FAM53A: variants seen among roughly 807,000 people sequenced by gnomAD.
FAM53A encodes family with sequence similarity 53 member A, also known as protein FAM53A.
Under a neutral mutation model 26.6 loss-of-function variants are expected in FAM53A, and 28 were observed. The ratio of observed to expected loss-of-function variants is 1.05; its 90% confidence interval spans 0.78 to 1.45. FAM53A has a LOEUF of 1.45. Among genes scored for constraint, FAM53A ranks in the 40% most tolerant of loss-of-function variants. The probability of loss-of-function intolerance (pLI) is 0.00; values close to 1 mark genes in which losing one functional copy is unlikely to be tolerated. For synonymous variants in FAM53A, 290 were observed against 253.1 expected, an observed-to-expected ratio of 1.15 and a Z score of -1.38; for missense variants, 650 against 575.8, an observed-to-expected ratio of 1.13 and a Z score of -1.32.
intron 1 of FAM53A, among the ~76,000 whole-genome samples, chr4:1,627,632 C>T (rs979783232): frequency 6.6e-6 from 1 of 152,214 alleles, no homozygotes; most frequent in African/African-American, 2.4e-5. Flanking sequence ...TTCTCCAGGG[C>T]AGAGACAGTG....
chr4:1,670,620 G>A (rs1714572273), intron 1 of FAM53A, among the ~76,000 whole-genome samples: 1 of 152,150 alleles, frequency 6.6e-6, no homozygotes, highest in African/African-American at 2.4e-5. Context: ...CACCACCCTC[G>A]GCAGCCACCA....
At chr4:1,678,237 G>A (rs1288069330) in intron 1 of FAM53A, among the ~76,000 whole-genome samples, 1 of 152,202 alleles carries the variant, frequency 6.6e-6, no homozygotes, top group South Asian at 2.1e-4. Context: ...TAGCTACTTA[G>A]AAGGCAGAGG....
chr4:1,654,430 G>T (rs1308933882), intron 4 of FAM53A, among the ~76,000 whole-genome samples: 2 of 152,246 alleles, frequency 1.3e-5, no homozygotes, highest in Non-Finnish European at 2.9e-5. Flanking sequence ...GAATCTTCAA[G>T]TGGGTGAAGG....
the FAM53A span, among the ~76,000 whole-genome samples, chr4:1,576,989 A>T: frequency 7.5e-6 from 1 of 133,272 alleles, no homozygotes; most frequent in East Asian, 2.3e-4. Context: ...CCCACACTGC[A>T]CACTGTTCCC....
chr4:1,617,874 C>T (rs1465065505), downstream of FAM53A: 5 of 372,196 alleles, frequency 1.3e-5, no homozygotes, highest in African/African-American at 6.4e-5. Flanking sequence ...TTGAAGGGAG[C>T]GCCTGCATGT....
intron 4 of FAM53A, 84 bp from the exon 5 acceptor site, chr4:1,641,691 TGTGCTGGGGCTCTGG>T: frequency 7.0e-7 from 1 of 1,421,346 alleles, no homozygotes; most frequent in East Asian, 2.3e-5. Flanking sequence ...GAGGGCTCGG[TGTGCTGGGGCTCTGG>T]CCATCCCCAA....
At chr4:1,592,593 C>G in the FAM53A span, among the ~76,000 whole-genome samples, 1 of 152,180 alleles carries the variant, frequency 6.6e-6, no homozygotes, top group Non-Finnish European at 1.5e-5. Context: ...TTCTGCACCC[C>G]CTGCCCAGCC....
At position 1,655,092 on chromosome 4, in the gene FAM53A, G is replaced by C. The variant is rs745369583; in HGVS notation, c.768C>G (p.Leu256=). The C allele has an allele frequency of 6.9e-6, 11 of 1,602,136 alleles. No homozygotes were observed. Among genetic ancestry groups the C allele is most frequent in the Admixed American group, 6.8e-5 (4 of 59,148 alleles). Residue 256 remains leucine (L), a synonymous_variant, in exon 4 of 5, where the codon CTC becomes CTG. Transcript: ENST00000308132. ...TPALGGRRGL[L]RCRSQPCVLS... The stretch of plus-strand genomic sequence containing the variant: ...GCACGCAAGGCTGTGAGCGGCACCG[G>C]AGCAGCCCACGGCGCCCGCCCAGCG...
At chr4:1,685,475 G>A (rs781756553), upstream of FAM53A, among the ~76,000 whole-genome samples, 155 of 152,200 alleles carry the variant, frequency 1.0e-3, no homozygotes, top group Admixed American at 2.2e-3. Flanking sequence ...CTGGTTCCGG[G>A]AATAGGCTAT....
chr4:1,586,957 C>T, the FAM53A span, among the ~76,000 whole-genome samples: 5 of 152,284 alleles, frequency 3.3e-5, 1 homozygote, highest in African/African-American at 9.6e-5. Context: ...TGATATCTCA[C>T]TGGGATTTTG....
downstream of FAM53A, among the ~76,000 whole-genome samples, chr4:1,637,191 G>T (rs187967337): frequency 6.6e-6 from 1 of 152,214 alleles, no homozygotes; most frequent in Non-Finnish European, 1.5e-5. Context: ...ATGCTCGGGT[G>T]GGGGGTGGGG....
intron 1 of FAM53A, among the ~76,000 whole-genome samples, chr4:1,679,723 G>T (rs943365421): frequency 1.1e-3 from 152 of 141,148 alleles, no homozygotes; most frequent in Middle Eastern, 3.8e-3. Flanking sequence ...CCCAACTAAA[G>T]AAAAAATTGG....
chr4:1,631,445 G>T (rs940871678), intron 1 of FAM53A, among the ~76,000 whole-genome samples: 1 of 152,226 alleles, frequency 6.6e-6, no homozygotes, highest in Admixed American at 6.5e-5. Context: ...GCACTGTGGG[G>T]CTCCTGTGCC....
At chr4:1,653,933 G>C (rs1324334830) in intron 4 of FAM53A, among the ~76,000 whole-genome samples, 2 of 152,172 alleles carry the variant, frequency 1.3e-5, no homozygotes, top group Non-Finnish European at 2.9e-5. Context: ...CCCAGGCCCA[G>C]CCCACCCGAG....
rs1357872808 is a variant in FAM53A, at chr4:1,655,478, C to T, written c.382G>A (p.Glu128Lys). Residue 128 changes from glutamate (E) to lysine (K), a missense_variant, in exon 4 of 5, where the codon GAG becomes AAG. By Grantham distance (56) the Glu-to-Lys change is moderately conservative. Transcript: ENST00000308132. ...GGGGACCGGCAGCGCACAAGCTCCT[C>T]GGGTTCTGACAAGGACCGGCAATGC... ...KRHCRSLSEPEELVRCRSPWR... is the reference protein window; with the variant it reads ...KRHCRSLSEPKELVRCRSPWR... 19 of 1,573,328 alleles carry T rather than the reference C, an allele frequency of 1.2e-5. No individual in the cohort carries two copies. Among genetic ancestry groups the T allele is most frequent in the African/African-American group, 2.7e-5 (2 of 73,066 alleles).
At chr4:1,585,685 C>T in the FAM53A span, among the ~76,000 whole-genome samples, 1 of 152,140 alleles carries the variant, frequency 6.6e-6, no homozygotes, top group Non-Finnish European at 1.5e-5. Flanking sequence ...TTTTGCTGAA[C>T]ATAAGGTCCT....
At chr4:1,628,727 A>G (rs1479099270) in intron 1 of FAM53A, among the ~76,000 whole-genome samples, 5 of 642 alleles carry the variant, frequency 7.8e-3, no homozygotes, top group South Asian at 0.083. Context: ...GGCATGGGGG[A>G]GTGGCATGGG....
At chr4:1,681,316 T>G (rs1172928577) in intron 1 of FAM53A, among the ~76,000 whole-genome samples, 1 of 152,050 alleles carries the variant, frequency 6.6e-6, no homozygotes, top group African/African-American at 2.4e-5. Context: ...CAAGCTGCTC[T>G]TCAACTCTTG....
intron 4 of FAM53A, among the ~76,000 whole-genome samples, chr4:1,646,466 G>A (rs147535834): frequency 0.023 from 3,526 of 152,278 alleles, 63 homozygotes; most frequent in Non-Finnish European, 0.035. Flanking sequence ...TGTTACAGCA[G>A]CAAAAACAAA....
Sources: allele counts gnomAD v4.1 joint callset (sites outside exome capture counted in the v4.1 genomes callset), GRCh38; gene constraint gnomAD v4.1.1; transcripts MANE v1.5; gene names NCBI Gene and HGNC (gene_info 2026-07-23, HGNC 2026-07-21).